Variants in NEK5 observed in about 807,000 individuals in gnomAD.
The protein encoded by NEK5 is NIMA related kinase 5, also known as serine/threonine-protein kinase Nek5.
In NEK5, 88 loss-of-function variants were observed where a neutral mutation model predicts 109.2. The ratio of observed to expected loss-of-function variants is 0.81; its 90% CI spans 0.68 to 0.96. NEK5 has a LOEUF of 0.96. Ranked by LOEUF, NEK5 falls within the 40% of genes least tolerant of loss-of-function variation. The probability of loss-of-function intolerance (pLI) is 0.00; values close to 1 mark genes in which losing one functional copy is unlikely to be tolerated. For synonymous variants in NEK5, 283 were observed against 299.9 expected (o/e 0.94, Z 0.58); for missense variants, 834 against 920.7 (o/e 0.91, Z 1.22).
intron 22 of NEK5, among the ~76,000 whole-genome samples, chr13:52,051,019 T>C (rs909719831): frequency 1.3e-5 from 2 of 150,818 alleles, no homozygotes; most frequent in Non-Finnish European, 3.0e-5. Context: ...TGCCCGGCCC[T>C]AGTGTTCGTT....
intron 22 of NEK5, among the ~76,000 whole-genome samples, chr13:52,053,851 C>A (rs184218709): frequency 6.6e-6 from 1 of 152,226 alleles, no homozygotes; most frequent in African/African-American, 2.4e-5. Context: ...ACCATCTCCC[C>A]ACTGCTAGCG....
At chr13:52,037,279 A>G (rs1299686403) in intron 23 of NEK5, 61 bp from the exon 24 acceptor site, 1 of 830,262 alleles carries the variant, frequency 1.2e-6, no homozygotes, top group African/African-American at 1.8e-5. Context: ...AATACATGTA[A>G]AAACTCGTTT....
intron 17 of NEK5, among the ~76,000 whole-genome samples, chr13:52,078,671 C>T (rs1954913137): frequency 1.3e-5 from 2 of 151,894 alleles, no homozygotes; most frequent in South Asian, 4.2e-4. Flanking sequence ...AGACTGCACA[C>T]CAGCCTAGAG....
At chr13:52,121,801 T>C (rs1350155279) in intron 3 of NEK5, among the ~76,000 whole-genome samples, 1 of 152,236 alleles carries the variant, frequency 6.6e-6, no homozygotes, top group Non-Finnish European at 1.5e-5. Flanking sequence ...CATATATACA[T>C]AGTTTTGTTT....
intron 1 of NEK5, among the ~76,000 whole-genome samples, chr13:52,128,523 T>A (rs1301353759): frequency 1.3e-5 from 2 of 152,192 alleles, no homozygotes; most frequent in African/African-American, 4.8e-5. Context: ...GTTGTTGTTG[T>A]TAATGGGGTG....
chr13:52,112,737 G>C (rs1955781511), intron 4 of NEK5, among the ~76,000 whole-genome samples: 1 of 152,130 alleles, frequency 6.6e-6, no homozygotes, highest in South Asian at 2.1e-4. Context: ...AACACCCCAG[G>C]AAGAATTAAT....
At chr13:52,064,684 G>A (rs939210042) in intron 21 of NEK5, 15 of 241,848 alleles carry the variant, frequency 6.2e-5, no homozygotes, top group Admixed American at 1.5e-4. Context: ...TAGAAAGGGC[G>A]GAAAGGTGGG....
At chr13:52,070,373 G>T (rs1954764243) in intron 20 of NEK5, among the ~76,000 whole-genome samples, 1 of 152,170 alleles carries the variant, frequency 6.6e-6, no homozygotes, top group Non-Finnish European at 1.5e-5. Flanking sequence ...GATAACTTTA[G>T]TAACTGATAT....
chr13:52,075,217 A>G (rs1273725017), intron 19 of NEK5, among the ~76,000 whole-genome samples: 1 of 152,216 alleles, frequency 6.6e-6, no homozygotes, highest in East Asian at 1.9e-4. Context: ...TCATGGAATC[A>G]ACCTAGGTGC....
intron 9 of NEK5, among the ~76,000 whole-genome samples, chr13:52,103,171 G>C (rs1593982539): frequency 6.6e-6 from 1 of 152,238 alleles, no homozygotes; most frequent in Non-Finnish European, 1.5e-5. Flanking sequence ...GCTCACGCCT[G>C]TAATCCCAGC....
At chr13:52,068,502 TA>T (rs1366387446) in intron 20 of NEK5, among the ~76,000 whole-genome samples, 2 of 146,832 alleles carry the variant, frequency 1.4e-5, no homozygotes, top group African/African-American at 5.1e-5. Context: ...CACACTCATA[TA>T]TATTTGCTGT....
intron 3 of NEK5, among the ~76,000 whole-genome samples, chr13:52,122,064 G>A (rs1955982657): frequency 6.6e-6 from 1 of 151,864 alleles, no homozygotes; most frequent in African/African-American, 2.4e-5. Flanking sequence ...ACCATGCCCA[G>A]CTAAATTATG....
chr13:52,052,616 T>C (rs1954517181), intron 22 of NEK5, among the ~76,000 whole-genome samples: 1 of 152,198 alleles, frequency 6.6e-6, no homozygotes, highest in African/African-American at 2.4e-5. Flanking sequence ...ATGCACTGCC[T>C]TCGAGTTTTG....
chr13:52,115,036 G>A (rs1955825233), intron 4 of NEK5, among the ~76,000 whole-genome samples: 1 of 148,466 alleles, frequency 6.7e-6, no homozygotes, highest in Admixed American at 6.7e-5. Flanking sequence ...TTTTTGAGAC[G>A]GAATCTCGCT....
chr13:52,123,623 T>A (rs1464458957), intron 3 of NEK5, among the ~76,000 whole-genome samples: 1 of 152,142 alleles, frequency 6.6e-6, no homozygotes, highest in Non-Finnish European at 1.5e-5. Context: ...AGGTGCTGTG[T>A]GGAATACCAG....
At chr13:52,104,456 A>G in intron 9 of NEK5, 42 bp downstream of exon 9, 1 of 1,372,160 alleles carries the variant, frequency 7.3e-7, no homozygotes, top group East Asian at 2.3e-5. Flanking sequence ...CTTTTCTACA[A>G]TTCCAATAAT....
chr13:52,085,343 A>G (rs1955121131), intron 16 of NEK5, among the ~76,000 whole-genome samples: 1 of 152,184 alleles, frequency 6.6e-6, no homozygotes, highest in South Asian at 2.1e-4. Context: ...CTTTTTCTTT[A>G]TAAATTACCC....
intron 19 of NEK5, among the ~76,000 whole-genome samples, chr13:52,074,123 A>G (rs942584874): frequency 6.6e-6 from 1 of 152,184 alleles, no homozygotes; most frequent in Non-Finnish European, 1.5e-5. Context: ...TTGGAGAAAA[A>G]AAAAACTATT....
rs376300623 is a variant in NEK5 at position 52,111,936 on chromosome 13, T to C, written c.312+332A>G. Among the ~76,000 whole-genome samples, 186 of 152,314 alleles carry C rather than the reference T, an allele frequency of 1.2e-3. 1 individual carries two copies. Among genetic ancestry groups the C allele is most frequent in the African/African-American group, 4.3e-3 (180 of 41,580 alleles). Reference sequence around the variant, plus strand: ...AGAGAAAACAGTGAAGCTATAAATATGTTACATGTTAAATGGCTAAGGAAC... The same window carrying C: ...AGAGAAAACAGTGAAGCTATAAATACGTTACATGTTAAATGGCTAAGGAAC... On this transcript the variant is annotated intron_variant, in intron 5 of 23. Coordinates refer to ENST00000684899, the MANE Select transcript of NEK5 (RefSeq NM_001365552.1).
Sources: allele counts gnomAD v4.1 joint callset (sites outside exome capture counted in the v4.1 genomes callset), GRCh38; gene constraint gnomAD v4.1.1; transcripts MANE v1.5; gene names NCBI Gene and HGNC (gene_info 2026-07-23, HGNC 2026-07-21).